The following TAMM41 variants were observed in gnomAD, a reference collection of about 807,000 sequenced individuals.
TAMM41 encodes TAM41 mitochondrial translocator assembly and maintenance homolog.
A neutral mutation model predicts 44.1 loss-of-function variants in TAMM41; 36 were observed. That is an observed-to-expected ratio of 0.82 (90% CI 0.63 to 1.08). TAMM41 has a LOEUF of 1.08. TAMM41 is among the 50% of genes least tolerant of loss of function. The probability of loss-of-function intolerance (pLI) is 0.00; values close to 1 mark genes in which losing one functional copy is unlikely to be tolerated. For synonymous variants in TAMM41, 164 were observed against 153.1 expected, an observed-to-expected ratio of 1.07 and a Z score of -0.53; for missense variants, 417 against 404.3, an observed-to-expected ratio of 1.03 and a Z score of -0.27.
At chr3:11,788,889 A>C (rs2077433053), downstream of TAMM41, among the ~76,000 whole-genome samples, 1 of 152,138 alleles carries the variant, frequency 6.6e-6, no homozygotes, top group African/African-American at 2.4e-5. Context: ...GTGAGCCAAG[A>C]TCATGCCACT....
In TAMM41 at chr3:11,795,795, G is replaced by A. The variant is rs544902113; in HGVS notation, c.938-5214C>T. Among the ~76,000 whole-genome samples the A allele has an allele frequency of 7.9e-5, 12 of 152,276 alleles. No individual in the cohort carries two copies. The South Asian group carries it at 2.5e-3, about 32-fold the overall frequency. ...GAAACTTTATAAAAGGCTGCTGCTCGAATATGCAGTTGCTTAGCTGGTCTT... is the reference window on the plus strand; with the variant it reads ...GAAACTTTATAAAAGGCTGCTGCTCAAATATGCAGTTGCTTAGCTGGTCTT... On this transcript the variant is annotated intron_variant, in intron 7 of 7. Coordinates refer to ENST00000455809, the MANE Select transcript of TAMM41 (RefSeq NM_001284401.2).
At chr3:11,839,427 C>T (rs1385359272) in intron 2 of TAMM41, 113 bp from the exon 3 acceptor site, 1 of 658,114 alleles carries the variant, frequency 1.5e-6, no homozygotes, top group African/African-American at 1.8e-5. Context: ...TACCTTGATT[C>T]CAAAGCCACT....
rs541448524 is a variant in TAMM41 at position 11,843,978 on chromosome 3, A to T, written c.318+51T>A. The stretch of plus-strand genomic sequence containing the variant: ...ATACATATTTAGCTGGCACTCTAAT[A>T]ACCCAGGTAAATAACCAGCCAAGTT... On this transcript the variant is annotated intron_variant, in intron 2 of 7. Transcript: ENST00000455809. 6 of 1,582,184 alleles carry T rather than the reference A, an allele frequency of 3.8e-6. No individual in the cohort carries two copies. The Admixed American group carries it at 8.6e-5, about 23-fold the overall frequency.
chr3:11,762,783 G>T, the TAMM41 span, among the ~76,000 whole-genome samples: 1 of 152,164 alleles, frequency 6.6e-6, no homozygotes, highest in South Asian at 2.1e-4. Context: ...TGTGAGGCTG[G>T]GTACGTTGGC....
chr3:11,770,929 C>T, the TAMM41 span, among the ~76,000 whole-genome samples: 288 of 152,264 alleles, frequency 1.9e-3, 1 homozygote, highest in African/African-American at 6.5e-3. Context: ...GGCTCGCAGA[C>T]AAGTGGGTAC....
At chr3:11,810,811 C>T (rs1325170034) in intron 5 of TAMM41, 1 of 152,068 alleles carries the variant, frequency 6.6e-6, no homozygotes, top group Non-Finnish European at 1.5e-5. Flanking sequence ...CACCTGTAAT[C>T]CCAACAGTTT....
At chr3:11,766,687 C>T in the TAMM41 span, among the ~76,000 whole-genome samples, 18 of 152,026 alleles carry the variant, frequency 1.2e-4, no homozygotes, top group Non-Finnish European at 2.2e-4. Flanking sequence ...CTGCCTCAGC[C>T]TCCCTTGTAG....
chr3:11,833,728 T>C (rs933045445), intron 3 of TAMM41, among the ~76,000 whole-genome samples: 1 of 152,186 alleles, frequency 6.6e-6, no homozygotes, highest in African/African-American at 2.4e-5. Flanking sequence ...GCCCAAACAT[T>C]TGCTTATAGT....
chr3:11,774,623 C>T, the TAMM41 span, among the ~76,000 whole-genome samples: 1 of 149,960 alleles, frequency 6.7e-6, no homozygotes, highest in Non-Finnish European at 1.5e-5. Context: ...ATGCCATAGA[C>T]TGGGTGGCTT....
chr3:11,778,358 A>G, the TAMM41 span, among the ~76,000 whole-genome samples: 1 of 152,122 alleles, frequency 6.6e-6, no homozygotes, highest in African/African-American at 2.4e-5. Context: ...CCTCTCAAGT[A>G]GCTGGGGCTA....
chr3:11,766,429 A>G, the TAMM41 span, among the ~76,000 whole-genome samples: 17 of 152,236 alleles, frequency 1.1e-4, 1 homozygote, highest in East Asian at 3.1e-3. Context: ...TGGCCTCCCA[A>G]AGTGCTGGGA....
chr3:11,748,857 T>C, the TAMM41 span, among the ~76,000 whole-genome samples: 1 of 151,770 alleles, frequency 6.6e-6, no homozygotes, highest in African/African-American at 2.4e-5. Flanking sequence ...CAGGGGTTCC[T>C]GCTTGGAACT....
At chr3:11,767,125 G>A in the TAMM41 span, among the ~76,000 whole-genome samples, 2,995 of 152,240 alleles carry the variant, frequency 0.02, 46 homozygotes, top group Non-Finnish European at 0.025. Context: ...CTGGAGTGCA[G>A]TGGCATGATC....
intron 4 of TAMM41, among the ~76,000 whole-genome samples, chr3:11,826,530 C>CA (rs11388352): frequency 0.4 from 24,767 of 62,140 alleles, 5,623 homozygotes; most frequent in East Asian, 0.67. Flanking sequence ...CCTTGTCTCT[C>CA]AAAAAAAAAA....
At chr3:11,820,174 CA>C (rs2078456475) in intron 4 of TAMM41, among the ~76,000 whole-genome samples, 1 of 152,124 alleles carries the variant, frequency 6.6e-6, no homozygotes. Context: ...TAAATCCTTA[CA>C]CGTATAAAAA....
At chr3:11,828,821 T>C (rs941265023) in intron 4 of TAMM41, among the ~76,000 whole-genome samples, 1 of 152,196 alleles carries the variant, frequency 6.6e-6, no homozygotes. Flanking sequence ...TTCCATGAAA[T>C]CTTACCTGTC....
the TAMM41 span, among the ~76,000 whole-genome samples, chr3:11,782,546 CAAAA>C: frequency 1.4e-5 from 1 of 70,088 alleles, no homozygotes. Flanking sequence ...GACCCTGTCT[CAAAA>C]AAAAAAAAAA....
At chr3:11,740,780 G>A in the TAMM41 span, among the ~76,000 whole-genome samples, 2 of 151,272 alleles carry the variant, frequency 1.3e-5, no homozygotes, top group Non-Finnish European at 2.9e-5. Context: ...TGGCCAGGCT[G>A]GTCTCGAACT....
the TAMM41 span, among the ~76,000 whole-genome samples, chr3:11,783,721 G>A: frequency 6.6e-6 from 1 of 152,204 alleles, no homozygotes; most frequent in Non-Finnish European, 1.5e-5. Context: ...GTGCTTAGCT[G>A]TGGTATGGTA....
Sources: gnomAD v4.1 joint callset for allele counts (sites outside exome capture counted in the v4.1 genomes callset) on GRCh38, gnomAD v4.1.1 for gene constraint, MANE v1.5 for transcripts, NCBI Gene and HGNC (gene_info 2026-07-23, HGNC 2026-07-21) for gene names.